ARHGEF40: variants seen among roughly 807,000 people sequenced by gnomAD.
ARHGEF40 encodes Rho guanine nucleotide exchange factor (GEF) 40.
In ARHGEF40, 98 loss-of-function variants were observed where a neutral mutation model predicts 165.9. The ratio of observed to expected loss-of-function variants is 0.59; its 90% confidence interval spans 0.50 to 0.70. The LOEUF (loss-of-function observed/expected upper bound fraction) is 0.70. ARHGEF40 is among the 30% of genes least tolerant of loss of function. The probability of loss-of-function intolerance (pLI) is 0.00; values close to 1 mark genes in which losing one functional copy is unlikely to be tolerated. For missense variants in ARHGEF40, 1,815 were observed against 1,968.0 expected (o/e 0.92, Z 1.47); for synonymous variants, 792 against 814.3 (o/e 0.97, Z 0.47).
chr14:21,064,968 C>T, the ARHGEF40 span, among the ~76,000 whole-genome samples: 5 of 152,054 alleles, frequency 3.3e-5, no homozygotes, highest in Admixed American at 1.3e-4. Flanking sequence ...ATCAGGAGTT[C>T]GAGACCAGCC....
At chr14:21,081,085 G>T in intron 13 of ARHGEF40, 69 bp downstream of exon 13, 2 of 1,541,632 alleles carry the variant, frequency 1.3e-6, no homozygotes, top group East Asian at 2.3e-5. Flanking sequence ...TGCCTGGAGA[G>T]GCTAATCAAG....
rs778956591 is a variant in ARHGEF40, at chr14:21,081,540, G to A, written c.2672G>A (p.Arg891Gln). ...AHEWVDEGFA[R>Q]LAGAGPGREA... is the part of the protein sequence containing the mutation. ...GAATGGGTGGATGAGGGCTTTGCTCGGCTGGCAGGAGCTGGGCCGGGTCGG... is the reference window on the plus strand; with the variant it reads ...GAATGGGTGGATGAGGGCTTTGCTCAGCTGGCAGGAGCTGGGCCGGGTCGG... The change falls in exon 14 of 24, where the codon CGG becomes CAG. Residue 891 changes from arginine (R) to glutamine (Q), a missense_variant. Coordinates refer to ENST00000298694, the MANE Select transcript of ARHGEF40 (RefSeq NM_018071.5). 46 of 1,612,968 alleles carry A rather than the reference G, an allele frequency of 2.9e-5. No homozygotes were observed. The highest frequency in any genetic ancestry group is 2.1e-4 in the South Asian group (19 of 91,064).
At chr14:21,068,620 G>C (rs1594533318), upstream of ARHGEF40, among the ~76,000 whole-genome samples, 3 of 152,086 alleles carry the variant, frequency 2.0e-5, no homozygotes, top group East Asian at 5.8e-4. Context: ...GACACCAGGG[G>C]GTAGCAAAAT....
In ARHGEF40 at chr14:21,088,537, G is replaced by C. The variant is rs113694926; in HGVS notation, c.4519-293G>C. On this transcript the variant is annotated intron_variant, in intron 22 of 23. Transcript: ENST00000298694. Reference sequence around the variant, plus strand: ...CTACAAAAAAAAAAAAATTAAATTAGCCGGACTTTTGAGGGGTGCGCACCT... The same window carrying C: ...CTACAAAAAAAAAAAAATTAAATTACCCGGACTTTTGAGGGGTGCGCACCT... Among the ~76,000 whole-genome samples the C allele has an allele frequency of 1.4e-3, 218 of 151,250 alleles. 1 individual carries two copies. Among genetic ancestry groups the C allele is most frequent in the African/African-American group, 5.0e-3 (207 of 41,158 alleles).
chr14:21,088,979 C>T, intron 23 of ARHGEF40, 35 bp from the exon 24 acceptor site: 3 of 1,148,302 alleles, frequency 2.6e-6, no homozygotes, highest in Non-Finnish European at 3.8e-6. Flanking sequence ...TCTTCCCTCT[C>T]CCAACTCATC....
At chr14:21,067,985 T>TCTCCATGAAAAAAAAAA (rs1566514089), upstream of ARHGEF40, among the ~76,000 whole-genome samples, 2 of 4,290 alleles carry the variant, frequency 4.7e-4, no homozygotes, top group South Asian at 2.5e-3. Flanking sequence ...CTCCCCTTTT[T>TCTCCATGAAAAAAAAAA]TTTTTTTTTT....
At chr14:21,084,092 C>T in intron 17 of ARHGEF40, 42 bp downstream of exon 17, 1 of 1,542,610 alleles carries the variant, frequency 6.5e-7, no homozygotes, top group Non-Finnish European at 8.8e-7. Flanking sequence ...AACTGCCCAG[C>T]CCTGGCCTCA....
chr14:21,070,344 G>A lies in ARHGEF40; in HGVS notation c.-53G>A. The A allele has an allele frequency of 8.6e-6, 12 of 1,401,332 alleles. No individual in the cohort carries two copies. The highest frequency in any genetic ancestry group is 9.2e-6 in the Non-Finnish European group (10 of 1,082,376). The allele number at this position is 1,401,332 out of a possible 1,614,324, so 86.8% of individuals were successfully genotyped here. A position where few individuals can be genotyped will look rare whatever the true frequency, so the allele number is the denominator to read the frequency against. On this transcript the variant is annotated 5_prime_UTR_variant, in exon 1 of 24. Transcript: ENST00000298694. The surrounding 1 kb of genome is among the most constrained non-coding windows in gnomAD (Gnocchi z 4.7). ...CGAGCGGCGGGAGGGAGGCGGTGGC[G>A]CGCCCGGCCCCGCCCGCCCGACCAA...
chr14:21,080,794 C>A lies in ARHGEF40; in HGVS notation c.2496+12C>A. On this transcript the variant is annotated intron_variant, in intron 12 of 23. Transcript: ENST00000298694. ...GCGCTGAGGTCCAGGTGAGAAGGGGCTGGAGGGCAGGTGAGAGGAGGCAGG... is the reference window on the plus strand; with the variant it reads ...GCGCTGAGGTCCAGGTGAGAAGGGGATGGAGGGCAGGTGAGAGGAGGCAGG... The A allele has an allele frequency of 6.2e-7, 1 of 1,603,924 alleles. No homozygotes were observed. The highest frequency in any genetic ancestry group is 8.5e-7 in the Non-Finnish European group (1 of 1,173,650).
chr14:21,074,117 G>A lies in ARHGEF40; in HGVS notation c.387G>A (p.Gly129=), dbSNP rs1384235780. The change falls in exon 3 of 24, where the codon GGG becomes GGA. Residue 129 remains glycine (G), a synonymous_variant. Transcript: ENST00000298694. This position sits in a 1 kb window ranked among gnomAD's most constrained non-coding sequence, Gnocchi z 4.8. ...TCAAGTGTCTGGCCCCTGGGGGTGG[G>A]CGGGTGCAGGAGGTTCCTGTGCCCA... ...LALKCLAPGG[G]RVQEVPVPNE... The A allele has an allele frequency of 6.2e-7, 1 of 1,614,032 alleles. No homozygotes were observed. Among genetic ancestry groups the A allele is most frequent in the Non-Finnish European group, 8.5e-7 (1 of 1,180,036 alleles).
At chr14:21,078,031 C>T in intron 8 of ARHGEF40, 146 bp from the exon 9 acceptor site, 1 of 667,356 alleles carries the variant, frequency 1.5e-6, no homozygotes, top group Non-Finnish European at 2.5e-6. Context: ...CCTGCCCAAC[C>T]TCATACAATT....
At position 21,081,504 on chromosome 14, in the gene ARHGEF40, C is replaced by T. The variant is rs770190042; in HGVS notation, c.2641-5C>T. ...CTCCCATCCCCAACCCCTTTGACTT[C>T]GTAGGCACATGAATGGGTGGATGAG... On this transcript the variant is annotated splice_region_variant and splice_polypyrimidine_tract_variant and intron_variant, in intron 13 of 23. Transcript: ENST00000298694. 32 of 1,612,518 alleles carry T rather than the reference C, an allele frequency of 2.0e-5. No individual in the cohort carries two copies. Among genetic ancestry groups the T allele is most frequent in the Middle Eastern group, 3.3e-4 (2 of 6,084 alleles).
Position 21,078,383 on chromosome 14 carries a change from G to A in ARHGEF40, c.2141G>A (p.Gly714Glu), listed in dbSNP as rs1367452935. Residue 714 changes from glycine (G) to glutamate (E), a missense_variant, in exon 10 of 24, where the codon GGA becomes GAA. Physicochemically the swap from Gly to Glu is moderately conservative, Grantham distance 98. Coordinates refer to ENST00000298694, the MANE Select transcript of ARHGEF40 (RefSeq NM_018071.5). ...AAEPEEEEAVGMPKPLQKVLA... is the reference protein window; with the variant it reads ...AAEPEEEEAVEMPKPLQKVLA... The stretch of plus-strand genomic sequence containing the variant: ...CCTCCCTATCCCCAGGAGGCAGTGG[G>A]AATGCCCAAGCCACTGCAGAAGGTG... 6.2e-7 allele frequency: 1 copy of A among 1,605,516 alleles called. No homozygotes were observed. Among genetic ancestry groups the A allele is most frequent in the Admixed American group, 1.7e-5 (1 of 59,500 alleles).
chr14:21,084,110 T>A, intron 17 of ARHGEF40, 60 bp downstream of exon 17: 1 of 1,495,516 alleles, frequency 6.7e-7, no homozygotes, highest in South Asian at 1.3e-5. Context: ...TCAGAAGCCG[T>A]GTAGGTTGGT....
In ARHGEF40 at chr14:21,078,103, C is replaced by T. The variant is rs184094096; in HGVS notation, c.2035-74C>T. The T allele has an allele frequency of 7.4e-5, 102 of 1,379,834 alleles. No homozygotes were observed. In the African/African-American group the frequency reaches 1.2e-3, roughly 16 times the overall value. The allele number at this position is 1,379,834 out of a possible 1,614,324, so 85.5% of individuals were successfully genotyped here. On this transcript the variant is annotated intron_variant, in intron 8 of 23. Coordinates refer to ENST00000298694, the MANE Select transcript of ARHGEF40 (RefSeq NM_018071.5). ...CCTCCATAAAAGTCTCTGGGGCTAC[C>T]GCACCCCAACCCTAGGGCTTAAGTT...
chr14:21,074,242 C>T lies in ARHGEF40; in HGVS notation c.512C>T (p.Ser171Phe). Residue 171 changes from serine (S) to phenylalanine (F), a missense_variant, in exon 3 of 24, where the codon TCT (serine) becomes TTT (phenylalanine). Coordinates refer to ENST00000298694, the MANE Select transcript of ARHGEF40 (RefSeq NM_018071.5). This position sits in a 1 kb window ranked among gnomAD's most constrained non-coding sequence, Gnocchi z 4.8. ...RLSTCLLSAP[S>F]GIQRLPWAEL... The stretch of plus-strand genomic sequence containing the variant: ...AGTACCTGCCTACTGTCTGCGCCCT[C>T]TGGGATTCAGCGGCTGCCCTGGGCT... 1 of 1,614,164 alleles carries T rather than the reference C, an allele frequency of 6.2e-7. No homozygotes were observed. The highest frequency in any genetic ancestry group is 8.5e-7 in the Non-Finnish European group (1 of 1,180,028).
chr14:21,063,211 GGTGTGTATGTGTGT>G, the ARHGEF40 span, among the ~76,000 whole-genome samples: 41 of 151,392 alleles, frequency 2.7e-4, no homozygotes, highest in Non-Finnish European at 4.1e-4. Flanking sequence ...GCCTAAAAGT[GGTGTGTATGTGTGT>G]GTGTGTATGT....
the ARHGEF40 span, among the ~76,000 whole-genome samples, chr14:21,063,932 A>C: frequency 6.6e-6 from 1 of 152,198 alleles, no homozygotes; most frequent in Non-Finnish European, 1.5e-5. Flanking sequence ...ACTCCCTTAC[A>C]TAGAACCGAA....
chr14:21,073,990 A>G lies in ARHGEF40; in HGVS notation c.260A>G (p.Gln87Arg), dbSNP rs1887185678. The change falls in exon 3 of 24, where the codon CAG becomes CGG. Residue 87 changes from glutamine (Q) to arginine (R), a missense_variant. Coordinates refer to ENST00000298694, the MANE Select transcript of ARHGEF40 (RefSeq NM_018071.5). This position sits in a 1 kb window ranked among gnomAD's most constrained non-coding sequence, Gnocchi z 4.6. ...HEGWPLCLHE[Q>R]VVVQLAALPW... The stretch of plus-strand genomic sequence containing the variant: ...GGGTGGCCGCTCTGCCTGCATGAAC[A>G]GGTGGTGGTGCAGCTAGCAGCCCTA... 1 of 1,612,872 alleles carries G rather than the reference A, an allele frequency of 6.2e-7. No homozygotes were observed. The highest frequency in any genetic ancestry group is 8.5e-7 in the Non-Finnish European group (1 of 1,179,970).
Sources: allele counts gnomAD v4.1 joint callset (sites outside exome capture counted in the v4.1 genomes callset), GRCh38; gene constraint gnomAD v4.1.1; non-coding constraint Gnocchi (gnomAD v3.1); transcripts MANE v1.5; gene names NCBI Gene and HGNC (gene_info 2026-07-23, HGNC 2026-07-21).